The following CTNNA3 variants were observed in gnomAD, a reference collection of about 807,000 sequenced individuals.
CTNNA3 encodes catenin alpha-3.
In CTNNA3, 76 loss-of-function variants were observed where a neutral mutation model predicts 95.7. That is an observed-to-expected ratio of 0.79 (90% CI 0.66 to 0.96). The LOEUF is 0.96. CTNNA3 is among the 40% of genes least tolerant of loss of function. The pLI, the probability that CTNNA3 is intolerant of heterozygous loss-of-function variation, is 0.00. For missense variants in CTNNA3, 1,191 were observed against 1,089.8 expected (o/e 1.09, Z -1.31); for synonymous variants, 431 against 374.4 (o/e 1.15, Z -1.74).
intron 5 of CTNNA3, among the ~76,000 whole-genome samples, chr10:67,433,934 G>T (rs1435334354): frequency 6.6e-6 from 1 of 151,996 alleles, no homozygotes; most frequent in Non-Finnish European, 1.5e-5. Context: ...AGTCAGAACT[G>T]CCTGGATTTC....
At chr10:67,071,510 TTG>T (rs10603671) in intron 7 of CTNNA3, among the ~76,000 whole-genome samples, 75,865 of 150,556 alleles carry the variant, frequency 0.5, 19,322 homozygotes, top group Middle Eastern at 0.63. Context: ...AAAGTTTTTT[TTG>T]TTTGTTTGTT....
intron 7 of CTNNA3, among the ~76,000 whole-genome samples, chr10:66,829,127 G>A (rs1281536316): frequency 6.6e-6 from 1 of 152,146 alleles, no homozygotes; most frequent in Non-Finnish European, 1.5e-5. Flanking sequence ...TCAATAGCTA[G>A]AAAAAATGTC....
In CTNNA3 at chr10:65,912,895, A is replaced by G. The variant is rs2076961360; in HGVS notation, c.*7435T>C. The G allele has an allele frequency of 6.6e-6, 1 of 152,156 alleles. No homozygotes were observed. Among genetic ancestry groups the G allele is most frequent in the Non-Finnish European group, 1.5e-5 (1 of 68,026 alleles). 9.4% of individuals were successfully genotyped at this position (152,156 alleles called of 1,614,324 possible). A position where few individuals can be genotyped will look rare whatever the true frequency, so the allele number is the denominator to read the frequency against. ...GCCTACAGTATTTTTGCCAAATTTT[A>G]TCTATAGCCAAAGCACAAAACTGCT... is the stretch of plus-strand genomic sequence containing the variant. On this transcript the variant is annotated 3_prime_UTR_variant, in exon 18 of 18. Transcript: ENST00000433211.
At chr10:67,268,609 A>T (rs921068658) in intron 5 of CTNNA3, among the ~76,000 whole-genome samples, 1 of 152,142 alleles carries the variant, frequency 6.6e-6, no homozygotes, top group African/African-American at 2.4e-5. Context: ...TGCTTTAAGA[A>T]CTTCAATTAT....
intron 3 of CTNNA3, among the ~76,000 whole-genome samples, chr10:67,568,232 G>C (rs1407350135): frequency 6.9e-6 from 1 of 145,392 alleles, no homozygotes; most frequent in African/African-American, 2.5e-5. Context: ...GCTACAGACT[G>C]TTTTTTTTTT....
At chr10:67,652,384 T>C (rs1368060464) in intron 1 of CTNNA3, among the ~76,000 whole-genome samples, 3 of 152,258 alleles carry the variant, frequency 2.0e-5, no homozygotes, top group African/African-American at 7.2e-5. Flanking sequence ...TGTTATCACA[T>C]CTAAAGATCA....
At chr10:66,117,558 AG>A (rs776809998) in intron 13 of CTNNA3, among the ~76,000 whole-genome samples, 12 of 152,296 alleles carry the variant, frequency 7.9e-5, no homozygotes, top group Non-Finnish European at 1.3e-4. Context: ...CTTGTTCATG[AG>A]TCCTCTCACC....
At chr10:66,663,404 T>C (rs1053247841) in intron 9 of CTNNA3, among the ~76,000 whole-genome samples, 4 of 151,604 alleles carry the variant, frequency 2.6e-5, no homozygotes, top group Non-Finnish European at 5.9e-5. Flanking sequence ...GATATTTTCA[T>C]GACTTTCTCA....
chr10:66,497,767 T>C (rs1229514888), intron 11 of CTNNA3, among the ~76,000 whole-genome samples: 1 of 152,068 alleles, frequency 6.6e-6, no homozygotes, highest in East Asian at 1.9e-4. Context: ...CACAGGCCAA[T>C]AACCAGACAA....
intron 3 of CTNNA3, among the ~76,000 whole-genome samples, chr10:67,569,525 TAA>T (rs1841917112): frequency 6.6e-6 from 1 of 152,156 alleles, no homozygotes; most frequent in Non-Finnish European, 1.5e-5. Flanking sequence ...TCTCAGCTGG[TAA>T]AGAGTCTGAA....
At chr10:66,573,623 C>G (rs937731550) in intron 10 of CTNNA3, among the ~76,000 whole-genome samples, 1 of 152,098 alleles carries the variant, frequency 6.6e-6, no homozygotes, top group Admixed American at 6.5e-5. Flanking sequence ...TCCCAGAATC[C>G]ACAATTTTCA....
chr10:66,954,246 G>A (rs1848680783), intron 7 of CTNNA3, among the ~76,000 whole-genome samples: 1 of 152,066 alleles, frequency 6.6e-6, no homozygotes, highest in Non-Finnish European at 1.5e-5. Flanking sequence ...TAACCATATA[G>A]TATTTGACAG....
chr10:66,222,618 AAGAAAAAGAAAGAAAGAAAGAAAG>A (rs1395177505), intron 13 of CTNNA3, among the ~76,000 whole-genome samples: 1 of 68,552 alleles, frequency 1.5e-5, no homozygotes, highest in Non-Finnish European at 4.1e-5. Flanking sequence ...GAAAGAAAGA[AAGAAAAAGAAAGAAAGAAAGAAAG>A]AAAAGAGAGG....
chr10:67,710,842 G>A (rs543516969), intron 1 of CTNNA3, among the ~76,000 whole-genome samples: 1 of 152,284 alleles, frequency 6.6e-6, no homozygotes, highest in East Asian at 1.9e-4. Flanking sequence ...AGCAGGGCAA[G>A]GCATCCAAAA....
intron 5 of CTNNA3, among the ~76,000 whole-genome samples, chr10:67,280,514 C>A (rs1443543495): frequency 6.6e-6 from 1 of 151,942 alleles, no homozygotes; most frequent in Non-Finnish European, 1.5e-5. Context: ...AAAGAAAACT[C>A]TCAGCAAACA....
chr10:67,615,583 C>T (rs919720000), intron 2 of CTNNA3, among the ~76,000 whole-genome samples: 1 of 152,022 alleles, frequency 6.6e-6, no homozygotes, highest in African/African-American at 2.4e-5. Context: ...TGGCAATGAG[C>T]CTCATTCTAA....
chr10:66,745,490 C>T (rs1838824232), intron 9 of CTNNA3, among the ~76,000 whole-genome samples: 1 of 151,936 alleles, frequency 6.6e-6, no homozygotes, highest in African/African-American at 2.4e-5. Context: ...GGATGTGCTC[C>T]ATAAGTGTCT....
intron 5 of CTNNA3, among the ~76,000 whole-genome samples, chr10:67,481,142 C>A (rs569773067): frequency 1.3e-5 from 2 of 152,142 alleles, no homozygotes; most frequent in East Asian, 3.9e-4. Context: ...ATAATAAGAA[C>A]CATCTATGAT....
chr10:67,462,429 T>A (rs1212589752), intron 5 of CTNNA3, among the ~76,000 whole-genome samples: 1 of 152,194 alleles, frequency 6.6e-6, no homozygotes, highest in Non-Finnish European at 1.5e-5. Flanking sequence ...TTTTTCATTT[T>A]AAAAACATTT....
Sources: allele counts gnomAD v4.1 joint callset (sites outside exome capture counted in the v4.1 genomes callset), GRCh38; gene constraint gnomAD v4.1.1; transcripts MANE v1.5; gene names NCBI Gene and HGNC (gene_info 2026-07-23, HGNC 2026-07-21).